Variants in PPL observed in about 807,000 individuals in gnomAD.
PPL encodes 190 kDa paraneoplastic pemphigus antigen.
A neutral mutation model predicts 194.4 loss-of-function variants in PPL; 198 were observed. The observed-to-expected ratio is 1.02, with a 90% CI of 0.91 to 1.15. The LOEUF is 1.15. Among genes scored for constraint, PPL ranks in the 50% most tolerant of loss-of-function variants. The probability of loss-of-function intolerance (pLI) is 0.00; values close to 1 mark genes in which losing one functional copy is unlikely to be tolerated. For synonymous variants in PPL, 1,220 were observed against 972.4 expected (o/e 1.25, Z -4.74); for missense variants, 2,885 against 2,294.8 (o/e 1.26, Z -5.25).
intron 1 of PPL, among the ~76,000 whole-genome samples, chr16:4,914,096 A>C (rs1233608979): frequency 6.6e-6 from 1 of 152,162 alleles, no homozygotes; most frequent in Non-Finnish European, 1.5e-5. Flanking sequence ...AAAAGGAAGA[A>C]TTTGGTGTTC....
intron 1 of PPL, among the ~76,000 whole-genome samples, chr16:4,921,393 C>A (rs2089046705): frequency 6.6e-6 from 1 of 152,168 alleles, no homozygotes; most frequent in African/African-American, 2.4e-5. Flanking sequence ...GGGAGGGGGC[C>A]TGGGGGCCTC....
chr16:4,912,827 G>A (rs118016381), intron 1 of PPL, among the ~76,000 whole-genome samples: 8,739 of 152,268 alleles, frequency 0.057, 326 homozygotes, highest in Non-Finnish European at 0.071. Context: ...CTTGAGGCCC[G>A]GTGTGGTGGC....
At chr16:4,914,513 G>A (rs1467583345) in intron 1 of PPL, among the ~76,000 whole-genome samples, 3 of 152,172 alleles carry the variant, frequency 2.0e-5, no homozygotes, top group Admixed American at 2.0e-4. Flanking sequence ...CCAGCTTTGT[G>A]GCAGACCTGG....
At chr16:4,931,480 C>T (rs768943176) in intron 1 of PPL, among the ~76,000 whole-genome samples, 1 of 152,162 alleles carries the variant, frequency 6.6e-6, no homozygotes, top group Non-Finnish European at 1.5e-5. Flanking sequence ...GGTGGCCTCC[C>T]GGGCTCCAGA....
In PPL at chr16:4,893,254, G is replaced by A. The variant is rs767655511; in HGVS notation, c.1609C>T (p.Arg537Trp). ...CGCTCGGCACTGTCCTGCACAGCCC[G>A]GCCTTGCTCCAGTGGTGGCCGCAGG... is the stretch of plus-strand genomic sequence containing the variant. ...GILRPPLEQG[R>W]AVQDSAERAK... Residue 537 changes from arginine to tryptophan, a missense_variant, in exon 14 of 22, where the codon CGG becomes TGG. Physicochemically the swap from Arg to Trp is moderately radical, Grantham distance 101 (BLOSUM62 -3). Transcript: ENST00000345988. 3.8e-6 allele frequency: 6 copies of A among 1,593,616 alleles called. No individual in the cohort carries two copies. The highest frequency in any genetic ancestry group is 1.3e-5 in the African/African-American group (1 of 74,598).
chr16:4,897,597 C>G (rs1298277888), intron 9 of PPL, 78 bp downstream of exon 9: 3 of 1,170,584 alleles, frequency 2.6e-6, no homozygotes, highest in African/African-American at 3.0e-5. Flanking sequence ...CGAGGCCACA[C>G]ATGAGCCAGG....
intron 9 of PPL, 59 bp downstream of exon 9, chr16:4,897,616 G>A: frequency 7.2e-7 from 1 of 1,381,244 alleles, no homozygotes; most frequent in Non-Finnish European, 1.0e-6. Context: ...GGTAGGCACT[G>A]AGCGCTCTCA....
chr16:4,887,252 C>T (rs763425599), intron 20 of PPL, 25 bp from the exon 21 acceptor site: 7 of 1,569,272 alleles, frequency 4.5e-6, no homozygotes, highest in South Asian at 2.2e-5. Context: ...ATTAGGAGAG[C>T]GGTCAACAAA....
chr16:4,898,197 A>G (rs1202599126), intron 8 of PPL, among the ~76,000 whole-genome samples: 1 of 152,134 alleles, frequency 6.6e-6, no homozygotes, highest in African/African-American at 2.4e-5. Flanking sequence ...GGCCCACATG[A>G]TGAGACCCTG....
At chr16:4,936,653 G>T (rs888378466) in intron 1 of PPL, among the ~76,000 whole-genome samples, 3 of 152,198 alleles carry the variant, frequency 2.0e-5, no homozygotes, top group East Asian at 1.9e-4. Flanking sequence ...GACCCTCTGC[G>T]CAAGAGCGAC....
Position 4,886,068 on chromosome 16 carries a change from C to G in PPL, c.2608-21G>C, listed in dbSNP as rs774364841. On this transcript the variant is annotated intron_variant, in intron 21 of 21. Transcript: ENST00000345988. ...GGCTGCTGTGATGGAGAAGACAAGA[C>G]AAGGTTAAAGCCAGGCTCTGGCAGC... The G allele has an allele frequency of 1.7e-5, 27 of 1,613,398 alleles. No individual in the cohort carries two copies. In the African/African-American group the frequency reaches 2.9e-4, roughly 18 times the overall value.
rs530533714 is a variant in PPL at position 4,911,563 on chromosome 16, C to G, written c.63-614G>C. Among the ~76,000 whole-genome samples, 5 of 152,318 alleles carry G rather than the reference C, an allele frequency of 3.3e-5. No homozygotes were observed. In the South Asian group the frequency reaches 1.0e-3, roughly 32 times the overall value. ...TTCATTCATTTTATTGAGACGGAGT[C>G]TCACACTCTTGCCCAGGCTGGGGTG... On this transcript the variant is annotated intron_variant, in intron 1 of 21. Transcript: ENST00000345988.
In PPL at chr16:4,892,303, C is replaced by G. The variant is rs1018283943; in HGVS notation, c.1651-90G>C. 48 of 1,400,068 alleles carry G rather than the reference C, an allele frequency of 3.4e-5. No individual in the cohort carries two copies. The East Asian group carries it at 1.1e-3, about 33-fold the overall frequency. The allele number at this position is 1,400,068 out of a possible 1,614,324, so 86.7% of individuals were successfully genotyped here. ...CCAGGGTGAGCACAGATTCCCACAT[C>G]AGGCACAGTGGAAGCAGCTGGAGAG... On this transcript the variant is annotated intron_variant, in intron 14 of 21. Coordinates refer to ENST00000345988, the MANE Select transcript of PPL (RefSeq NM_002705.5).
Position 4,900,764 on chromosome 16 carries a change from C to T in PPL, c.606+66G>A, listed in dbSNP as rs568750170. ...ATTTTTAAAACAATACATCCTTGTCCCCCCGACTCCAAGCTTCCCATCCTC... is the reference window on the plus strand; with the variant it reads ...ATTTTTAAAACAATACATCCTTGTCTCCCCGACTCCAAGCTTCCCATCCTC... On this transcript the variant is annotated intron_variant, in intron 6 of 21. Transcript: ENST00000345988. 8.1e-6 allele frequency: 13 copies of T among 1,602,562 alleles called. No homozygotes were observed. The Admixed American group carries it at 2.0e-4, about 25-fold the overall frequency.
intron 18 of PPL, among the ~76,000 whole-genome samples, 174 bp from the exon 19 acceptor site, chr16:4,889,235 GTTGTTGTTTTTTTTTTTTT>G (rs2088271705): frequency 5.3e-5 from 1 of 18,710 alleles, no homozygotes; most frequent in African/African-American, 1.4e-4. Flanking sequence ...TTTTTTTGTT[GTTGTTGTTTTTTTTTTTTT>G]TTTTTTTTTT....
rs376932971 is a variant in PPL, at chr16:4,883,723, G to A, written c.4932C>T (p.Ala1644=). The A allele has an allele frequency of 1.9e-5, 31 of 1,613,832 alleles. 1 individual carries two copies. Among genetic ancestry groups the A allele is most frequent in the Admixed American group, 1.5e-4 (9 of 60,006 alleles). Residue 1644 remains alanine, a synonymous_variant, in exon 22 of 22, where the codon GCC becomes GCT. Coordinates refer to ENST00000345988, the MANE Select transcript of PPL (RefSeq NM_002705.5). This position sits in a 1 kb window ranked among gnomAD's most constrained non-coding sequence, Gnocchi z 4.8. Reference sequence around the variant, plus strand: ...GGTTCTCCCGCTGCTCCCGCTTGACGGCCACGGAGCCCAGGCGCTTCTGCA... The same window carrying A: ...GGTTCTCCCGCTGCTCCCGCTTGACAGCCACGGAGCCCAGGCGCTTCTGCA... ...DELQKRLGSV[A]VKREQRENHL... is the part of the protein sequence containing the mutation.
Position 4,895,348 on chromosome 16 carries a change from G to T in PPL, c.1155C>A (p.Gly385=). ...EDVVQGLQKR[G]QQVVPLKYRR... is the part of the protein sequence containing the mutation. ...GGTACTTGAGGGGCACCACCTGCTG[G>T]CCTCGCTTCTGCAGCCCCTGCACCA... Residue 385 remains glycine, a synonymous_variant, in exon 11 of 22, where the codon GGC becomes GGA. Coordinates refer to ENST00000345988, the MANE Select transcript of PPL (RefSeq NM_002705.5). 6.2e-7 allele frequency: 1 copy of T among 1,613,378 alleles called. No individual in the cohort carries two copies. The highest frequency in any genetic ancestry group is 8.5e-7 in the Non-Finnish European group (1 of 1,179,966).
At chr16:4,928,451 G>C (rs568631666) in intron 1 of PPL, among the ~76,000 whole-genome samples, 11 of 152,340 alleles carry the variant, frequency 7.2e-5, no homozygotes, top group Non-Finnish European at 1.3e-4. Context: ...TAGGCAGAGG[G>C]TTTTTGTCAT....
intron 1 of PPL, among the ~76,000 whole-genome samples, chr16:4,915,131 C>G (rs994898320): frequency 1.3e-5 from 2 of 152,214 alleles, no homozygotes; most frequent in Non-Finnish European, 2.9e-5. Context: ...GTGGCAGATG[C>G]AAGAAAAGCC....
Sources: allele counts gnomAD v4.1 joint callset (sites outside exome capture counted in the v4.1 genomes callset), GRCh38; gene constraint gnomAD v4.1.1; non-coding constraint Gnocchi (gnomAD v3.1); transcripts MANE v1.5; gene names NCBI Gene and HGNC (gene_info 2026-07-23, HGNC 2026-07-21).